Variants in CPEB1 observed in about 807,000 individuals in gnomAD.
CPEB1 encodes the protein cytoplasmic polyadenylation element binding protein 1.
In CPEB1, 7 loss-of-function variants were observed where a neutral mutation model predicts 65.8. The observed-to-expected ratio is 0.11, with a 90% CI of 0.06 to 0.20. The LOEUF is 0.20. CPEB1 is among the 10% of genes least tolerant of loss of function. The pLI, the probability that CPEB1 is intolerant of heterozygous loss-of-function variation, is 1.00. For missense variants in CPEB1, 551 were observed against 712.2 expected (o/e 0.77, Z 2.58); for synonymous variants, 262 against 260.0 (o/e 1.01, Z -0.08).
intron 3 of CPEB1, among the ~76,000 whole-genome samples, chr15:82,596,231 A>C (rs2042653396): frequency 6.6e-6 from 1 of 152,218 alleles, no homozygotes; most frequent in African/African-American, 2.4e-5. Context: ...AGTTAAGACA[A>C]GCATGTGGTG....
intron 3 of CPEB1, among the ~76,000 whole-genome samples, chr15:82,606,917 A>G (rs913690027): frequency 3.3e-5 from 5 of 152,066 alleles, no homozygotes; most frequent in African/African-American, 1.2e-4. Context: ...AAGATCACTT[A>G]AGGCCAGGAG....
In CPEB1 at chr15:82,553,523, G is replaced by A; in HGVS notation, c.1088C>T (p.Ser363Phe). 4 of 1,613,718 alleles carry A rather than the reference G, an allele frequency of 2.5e-6. No individual in the cohort carries two copies. Among genetic ancestry groups the A allele is most frequent in the African/African-American group, 1.3e-5 (1 of 75,002 alleles). ...GLVNTFRVFG[S>F]LSVEWPGKDG... ...CTTACCAGGCCACTCCACACTCAAA[G>A]AGCCAAAAACACGGAAGGTGTTAAC... The change falls in exon 8 of 13, where the codon TCT becomes TTT. Residue 363 changes from serine (S) to phenylalanine (F), a missense_variant. By Grantham distance (155) the Ser-to-Phe change is radical. Coordinates refer to ENST00000684509, the MANE Select transcript of CPEB1 (RefSeq NM_001365242.1).
intron 4 of CPEB1, among the ~76,000 whole-genome samples, chr15:82,561,039 T>C (rs1268118830): frequency 6.6e-6 from 1 of 152,182 alleles, no homozygotes; most frequent in African/African-American, 2.4e-5. Context: ...AGCAAATAAA[T>C]GGAAAACCAG....
intron 3 of CPEB1, among the ~76,000 whole-genome samples, chr15:82,584,323 A>G (rs2041577253): frequency 2.0e-5 from 3 of 151,344 alleles, no homozygotes; most frequent in Admixed American, 2.0e-4. Flanking sequence ...TGAAGATACA[A>G]GTTTTTACCT....
chr15:82,628,292 A>T (rs1281799504), intron 2 of CPEB1, 72 bp downstream of exon 2: 1 of 702,644 alleles, frequency 1.4e-6, no homozygotes, highest in South Asian at 1.5e-5. Flanking sequence ...GAAACTGTAG[A>T]TATGACAAAA....
At chr15:82,607,565 T>C (rs1386942039) in intron 3 of CPEB1, among the ~76,000 whole-genome samples, 1 of 152,032 alleles carries the variant, frequency 6.6e-6, no homozygotes, top group Non-Finnish European at 1.5e-5. Flanking sequence ...CCAGCCTGGA[T>C]GACAGAGCGA....
chr15:82,613,862 C>T (rs2044421349), intron 3 of CPEB1, among the ~76,000 whole-genome samples: 1 of 152,130 alleles, frequency 6.6e-6, no homozygotes, highest in Admixed American at 6.5e-5. Flanking sequence ...CCACCCCGCC[C>T]CGCTCCCCCC....
intron 3 of CPEB1, among the ~76,000 whole-genome samples, chr15:82,592,331 T>C (rs574276451): frequency 6.2e-4 from 94 of 152,252 alleles, no homozygotes; most frequent in African/African-American, 2.2e-3. Flanking sequence ...CTCACGCCTG[T>C]ATTCCTAGCA....
Position 82,611,845 on chromosome 15 carries a change from A to C in CPEB1, c.271+15348T>G, listed in dbSNP as rs1050756330. Among the ~76,000 whole-genome samples, 9 of 151,878 alleles carry C rather than the reference A, an allele frequency of 5.9e-5. No homozygotes were observed. In the East Asian group the frequency reaches 1.7e-3, roughly 29 times the overall value. Reference sequence around the variant, plus strand: ...AAATGACACATAAAAGAAATGTATAACAGAATCGGGGGAGGGAGGGATCAA... The same window carrying C: ...AAATGACACATAAAAGAAATGTATACCAGAATCGGGGGAGGGAGGGATCAA... On this transcript the variant is annotated intron_variant, in intron 3 of 12. Coordinates refer to ENST00000684509, the MANE Select transcript of CPEB1 (RefSeq NM_001365242.1).
At chr15:82,633,638 G>A (rs548592039) in intron 1 of CPEB1, among the ~76,000 whole-genome samples, 1 of 152,332 alleles carries the variant, frequency 6.6e-6, no homozygotes, top group African/African-American at 2.4e-5. Context: ...CTCCCAAAGC[G>A]CTGGGATTAT....
intron 3 of CPEB1, among the ~76,000 whole-genome samples, chr15:82,584,405 C>T (rs1017002782): frequency 3.4e-5 from 5 of 147,298 alleles, no homozygotes; most frequent in East Asian, 2.1e-4. Flanking sequence ...AGGCTGGGTG[C>T]GGTGGCTCAC....
At chr15:82,559,519 T>C (rs1388050694) in intron 4 of CPEB1, among the ~76,000 whole-genome samples, 1 of 152,220 alleles carries the variant, frequency 6.6e-6, no homozygotes, top group Non-Finnish European at 1.5e-5. Flanking sequence ...TTTCAGTCCC[T>C]CTACAACCTG....
chr15:82,596,166 A>AG (rs1427850631), intron 3 of CPEB1, among the ~76,000 whole-genome samples: 1 of 152,238 alleles, frequency 6.6e-6, no homozygotes, highest in African/African-American at 2.4e-5. Flanking sequence ...CTATTCCTAA[A>AG]GGATTCAAAA....
chr15:82,556,333 G>T, intron 5 of CPEB1: 1 of 537,642 alleles, frequency 1.9e-6, no homozygotes, highest in Non-Finnish European at 3.1e-6. Context: ...TTTCCATATT[G>T]CCAGTCTTTA....
chr15:82,632,148 A>AT (rs1298736912), intron 1 of CPEB1, among the ~76,000 whole-genome samples: 2 of 151,288 alleles, frequency 1.3e-5, no homozygotes, highest in African/African-American at 2.4e-5. Context: ...CGCCCGGCTC[A>AT]TTTTTTTGTA....
intron 3 of CPEB1, among the ~76,000 whole-genome samples, chr15:82,622,199 T>G (rs1413398184): frequency 1.3e-5 from 2 of 152,038 alleles, no homozygotes; most frequent in African/African-American, 4.8e-5. Flanking sequence ...TCATCTCCAC[T>G]AGACAGTTGT....
intron 3 of CPEB1, among the ~76,000 whole-genome samples, chr15:82,592,249 T>C (rs2042316883): frequency 1.3e-5 from 2 of 152,194 alleles, no homozygotes; most frequent in African/African-American, 2.4e-5. Flanking sequence ...TCAAAGTGAA[T>C]ACTACAATAG....
chr15:82,569,992 AG>A (rs770631395), intron 4 of CPEB1, among the ~76,000 whole-genome samples: 84 of 152,320 alleles, frequency 5.5e-4, no homozygotes, highest in Non-Finnish European at 4.4e-4. Flanking sequence ...TTCCTTGCCC[AG>A]GGGAACAGGG....
chr15:82,561,382 A>T (rs2038173812), intron 4 of CPEB1, among the ~76,000 whole-genome samples: 1 of 152,212 alleles, frequency 6.6e-6, no homozygotes, highest in African/African-American at 2.4e-5. Context: ...AGTAAAAAAA[A>T]GAAAGCCAGT....
Sources: allele counts gnomAD v4.1 joint callset (sites outside exome capture counted in the v4.1 genomes callset), GRCh38; gene constraint gnomAD v4.1.1; transcripts MANE v1.5; gene names NCBI Gene and HGNC (gene_info 2026-07-23, HGNC 2026-07-21).